FAM131A: variants seen among roughly 807,000 people sequenced by gnomAD.
The protein encoded by FAM131A is protein FAM131A.
Under a neutral mutation model 39.2 loss-of-function variants are expected in FAM131A, and 24 were observed. That is an observed-to-expected ratio of 0.61 (90% confidence interval 0.44 to 0.86). The LOEUF is 0.86. FAM131A is among the 40% of genes least tolerant of loss of function. The pLI, the probability that FAM131A is intolerant of heterozygous loss-of-function variation, is 0.00. For missense variants in FAM131A, 373 were observed against 481.2 expected (o/e 0.78, Z 2.10); for synonymous variants, 202 against 206.8 (o/e 0.98, Z 0.20).
intron 1 of FAM131A, among the ~76,000 whole-genome samples, chr3:184,338,121 C>A (rs1258206132): frequency 6.6e-6 from 1 of 152,120 alleles, no homozygotes; most frequent in East Asian, 1.9e-4. Context: ...CAGAATTTAT[C>A]ATTGTTTGGT....
rs1727572096 is a variant in FAM131A at position 184,344,983 on chromosome 3, C to G, written c.*13C>G. 6.6e-7 allele frequency: 1 copy of G among 1,514,858 alleles called. No homozygotes were observed. Among genetic ancestry groups the G allele is most frequent in the Non-Finnish European group, 8.8e-7 (1 of 1,133,444 alleles). The allele number at this position is 1,514,858 out of a possible 1,614,324, so 93.8% of individuals were successfully genotyped here. A position where few individuals can be genotyped will look rare whatever the true frequency, so the allele number is the denominator to read the frequency against. Reference sequence around the variant, plus strand: ...AGAGGAACAGTGACCCACATCATGCCTGGCAGTGGCATGCATCCCCCGGCT... The same window carrying G: ...AGAGGAACAGTGACCCACATCATGCGTGGCAGTGGCATGCATCCCCCGGCT... On this transcript the variant is annotated 3_prime_UTR_variant, in exon 6 of 6. Transcript: ENST00000383847.
rs762655437 is a variant in FAM131A, at chr3:184,344,691, G to A, written c.822G>A (p.Gln274=). The A allele has an allele frequency of 2.5e-5, 41 of 1,612,290 alleles. No homozygotes were observed. Among genetic ancestry groups the A allele is most frequent in the Non-Finnish European group, 3.3e-5 (39 of 1,179,884 alleles). ...LLGSPARLAS[Q]LLGDELLLAK... ...GCTCCCCGGCCCGGCTGGCCTCCCAGCTGCTGGGCGATGAGCTGCTTCTCG... is the reference window on the plus strand; with the variant it reads ...GCTCCCCGGCCCGGCTGGCCTCCCAACTGCTGGGCGATGAGCTGCTTCTCG... The change falls in exon 6 of 6, where the codon CAG becomes CAA. Residue 274 remains glutamine (Q), a synonymous_variant. Transcript: ENST00000383847.
rs1378735773 is a variant in FAM131A at position 184,342,545 on chromosome 3, A to G, written c.509-199A>G. On this transcript the variant is annotated intron_variant, in intron 4 of 5. Coordinates refer to ENST00000383847, the MANE Select transcript of FAM131A (RefSeq NM_144635.5). This position sits in a 1 kb window ranked among gnomAD's most constrained non-coding sequence, Gnocchi z 4.6. ...CTGGTCTTGAACTCCTGACCTAGTG[A>G]TCCACCTGCCTCGGCCTCCCAAAGT... Among the ~76,000 whole-genome samples, 1 of 152,062 alleles carries G rather than the reference A, an allele frequency of 6.6e-6. No individual in the cohort carries two copies. The highest frequency in any genetic ancestry group is 1.5e-5 in the Non-Finnish European group (1 of 68,014).
At chr3:184,344,111 G>A (rs1490219104) in intron 5 of FAM131A, among the ~76,000 whole-genome samples, 3 of 152,020 alleles carry the variant, frequency 2.0e-5, no homozygotes, top group East Asian at 1.9e-4. Flanking sequence ...TCAGCCTCCC[G>A]AGTAGCTGGG....
In FAM131A at chr3:184,345,092, G is replaced by T. The variant is rs1184606116; in HGVS notation, c.*122G>T. 1 of 929,174 alleles carries T rather than the reference G, an allele frequency of 1.1e-6. No homozygotes were observed. Among genetic ancestry groups the T allele is most frequent in the Non-Finnish European group, 1.6e-6 (1 of 640,772 alleles). The allele number at this position is 929,174 out of a possible 1,614,324, so 57.6% of individuals were successfully genotyped here. A position where few individuals can be genotyped will look rare whatever the true frequency, so the allele number is the denominator to read the frequency against. ...CACAGCCTAGAGGGCTCCTGGGAGC[G>T]CTCGCTTCTCCGTTGTGTGTTTTGC... On this transcript the variant is annotated 3_prime_UTR_variant, in exon 6 of 6. Transcript: ENST00000383847.
Position 184,345,366 on chromosome 3 carries a change from T to A in FAM131A, c.*396T>A, listed in dbSNP as rs1727596268. 1.7e-6 allele frequency: 1 copy of A among 605,260 alleles called. No individual in the cohort carries two copies. The highest frequency in any genetic ancestry group is 2.9e-6 in the Non-Finnish European group (1 of 342,174). 37.5% of individuals were successfully genotyped at this position (605,260 alleles called of 1,614,324 possible). A position where few individuals can be genotyped will look rare whatever the true frequency, so the allele number is the denominator to read the frequency against. On this transcript the variant is annotated 3_prime_UTR_variant, in exon 6 of 6. Transcript: ENST00000383847. ...GCCCAGCAACCCCCCACCCTCCCCA[T>A]GCCTCTCTCTTCTCTGCTTTTCTTC...
At chr3:184,341,063 C>G (rs1002303673) in intron 2 of FAM131A, 1 of 154,576 alleles carries the variant, frequency 6.5e-6, no homozygotes, top group African/African-American at 2.4e-5. Flanking sequence ...GCATTGAGGG[C>G]TTGAGAAAGG....
chr3:184,338,453 T>G lies in FAM131A; in HGVS notation c.155T>G (p.Leu52Trp). ...CCTCGGGGTCTCTCTCTATCCTCTT[T>G]GGGATCTGCTCGAACCCTCCGAGGC... is the stretch of plus-strand genomic sequence containing the variant. ...ELPRGLSLSS[L>W]GSARTLRGWS... Residue 52 changes from leucine (L) to tryptophan (W), a missense_variant, in exon 2 of 6, where the codon TTG (leucine) becomes TGG (tryptophan). By Grantham distance (61) the Leu-to-Trp change is moderately conservative (BLOSUM62 -2). This residue lies in a region of FAM131A where 221 missense variants were observed against 347.7 expected (regional missense o/e 0.64). Coordinates refer to ENST00000383847, the MANE Select transcript of FAM131A (RefSeq NM_144635.5). The G allele has an allele frequency of 6.5e-7, 1 of 1,528,268 alleles. No homozygotes were observed. Among genetic ancestry groups the G allele is most frequent in the Non-Finnish European group, 8.7e-7 (1 of 1,143,110 alleles). 94.7% of individuals were successfully genotyped at this position (1,528,268 alleles called of 1,614,324 possible). A position where few individuals can be genotyped will look rare whatever the true frequency, so the allele number is the denominator to read the frequency against.
chr3:184,344,660 T>C lies in FAM131A; in HGVS notation c.791T>C (p.Leu264Ser), dbSNP rs1384114692. The C allele has an allele frequency of 1.2e-6, 2 of 1,612,860 alleles. No homozygotes were observed. The highest frequency in any genetic ancestry group is 2.2e-5 in the East Asian group (1 of 44,858). Reference protein sequence around the residue: ...CSSLCSLEDGLLGSPARLASQ... With the variant: ...CSSLCSLEDGSLGSPARLASQ... ...AGTCTGTGCAGCCTGGAGGATGGGT[T>C]GTTGGGCTCCCCGGCCCGGCTGGCC... The change falls in exon 6 of 6, where the codon TTG becomes TCG. Residue 264 changes from leucine to serine, a missense_variant. This residue lies in a region of FAM131A where 152 missense variants were observed against 133.5 expected (regional missense o/e 1.14). Coordinates refer to ENST00000383847, the MANE Select transcript of FAM131A (RefSeq NM_144635.5).
In FAM131A at chr3:184,341,280, G is replaced by GCAA. The variant is rs1244867746; in HGVS notation, c.232-444_232-443insCAA. 3.7e-5 allele frequency: 8 copies of GCAA among 217,878 alleles called. No individual in the cohort carries two copies. The East Asian group carries it at 1.1e-3, about 29-fold the overall frequency. 13.5% of individuals were successfully genotyped at this position (217,878 alleles called of 1,614,324 possible). On this transcript the variant is annotated intron_variant, in intron 2 of 5. Coordinates refer to ENST00000383847, the MANE Select transcript of FAM131A (RefSeq NM_144635.5). ...GGGCCAGACGTGGGGAGAAGGTGTG[G>GCAA]GGGTTTGGTTTCCATCTTGCCGAGT...
At chr3:184,341,588 C>A (rs1727380167) in intron 2 of FAM131A, 136 bp from the exon 3 acceptor site, 1 of 675,712 alleles carries the variant, frequency 1.5e-6, no homozygotes, top group Admixed American at 2.3e-5. Context: ...CTTACATTTC[C>A]CTGTAGCCAC....
intron 1 of FAM131A, among the ~76,000 whole-genome samples, chr3:184,338,087 A>G (rs1025974148): frequency 4.6e-5 from 7 of 152,050 alleles, no homozygotes; most frequent in Non-Finnish European, 1.0e-4. Context: ...AGGAATGGGT[A>G]GGCTGGGAAA....
intron 2 of FAM131A, chr3:184,340,944 T>C (rs1727343588): frequency 6.6e-6 from 1 of 152,318 alleles, no homozygotes; most frequent in South Asian, 2.1e-4. Context: ...GCCATCAGAA[T>C]AGTCCAGAAG....
intron 2 of FAM131A, chr3:184,339,919 ATGTGT>A (rs1466473985): frequency 2.6e-5 from 4 of 152,376 alleles, no homozygotes; most frequent in Non-Finnish European, 1.5e-5. Context: ...GATTTTAGAG[ATGTGT>A]TGTGACCAGC....
At chr3:184,341,482 A>G in intron 2 of FAM131A, 1 of 569,264 alleles carries the variant, frequency 1.8e-6, no homozygotes, top group South Asian at 2.1e-5. Context: ...GTGCTGGGAA[A>G]GTGGAGGATT....
chr3:184,342,775 C>G lies in FAM131A; in HGVS notation c.540C>G (p.Ala180=). 1 of 1,613,784 alleles carries G rather than the reference C, an allele frequency of 6.2e-7. No individual in the cohort carries two copies. Among genetic ancestry groups the G allele is most frequent in the Non-Finnish European group, 8.5e-7 (1 of 1,179,792 alleles). ...CTGAGCAGTTTGCCATCGCGGAAGCCAAGCTCCGAGCATGGTCTTCGGTGG... is the reference window on the plus strand; with the variant it reads ...CTGAGCAGTTTGCCATCGCGGAAGCGAAGCTCCGAGCATGGTCTTCGGTGG... ...GVAEQFAIAE[A]KLRAWSSVDG... Residue 180 remains alanine, a synonymous_variant, in exon 5 of 6, where the codon GCC becomes GCG. Transcript: ENST00000383847. This position sits in a 1 kb window ranked among gnomAD's most constrained non-coding sequence, Gnocchi z 4.6.
Position 184,337,700 on chromosome 3 carries a change from T to A in FAM131A, c.70T>A (p.Cys24Ser). Reference sequence around the variant, plus strand: ...TGAAGGGCCTGGAGGACGATGGACTTGTCAGACAAGTCGCAGAGGTGAGAC... The same window carrying A: ...TGAAGGGCCTGGAGGACGATGGACTAGTCAGACAAGTCGCAGAGGTGAGAC... ...QREGPGGRWT[C>S]QTSRRVSSDP... Residue 24 changes from cysteine to serine, a missense_variant, in exon 1 of 6, where the codon TGT (cysteine) becomes AGT (serine). Physicochemically the swap from Cys to Ser is moderately radical, Grantham distance 112. This residue lies in a region of FAM131A where 221 missense variants were observed against 347.7 expected (regional missense o/e 0.64). Coordinates refer to ENST00000383847, the MANE Select transcript of FAM131A (RefSeq NM_144635.5). 6.5e-7 allele frequency: 1 copy of A among 1,537,256 alleles called. No homozygotes were observed. The highest frequency in any genetic ancestry group is 8.7e-7 in the Non-Finnish European group (1 of 1,146,916).
At position 184,338,385 on chromosome 3, in the gene FAM131A, A is replaced by G; in HGVS notation, c.89-2A>G. 1 of 1,435,890 alleles carries G rather than the reference A, an allele frequency of 7.0e-7. No homozygotes were observed. Among genetic ancestry groups the G allele is most frequent in the Non-Finnish European group, 9.1e-7 (1 of 1,097,648 alleles). 88.9% of individuals were successfully genotyped at this position (1,435,890 alleles called of 1,614,324 possible). A position where few individuals can be genotyped will look rare whatever the true frequency, so the allele number is the denominator to read the frequency against. On this transcript the variant is annotated splice_acceptor_variant, in intron 1 of 5. Coordinates refer to ENST00000383847, the MANE Select transcript of FAM131A (RefSeq NM_144635.5). LOFTEE classifies it high-confidence loss of function. ...CTCAACAGCCTTTCCCCTTCCTCTC[A>G]GTGTCCTCGGACCCCGCTTGGGCTG... is the stretch of plus-strand genomic sequence containing the variant.
Position 184,342,189 on chromosome 3 carries a change from C to T in FAM131A, c.449C>T (p.Ser150Leu). Residue 150 changes from serine (S) to leucine (L), a missense_variant, in exon 4 of 6, where the codon TCA becomes TTA. Physicochemically the swap from Ser to Leu is moderately radical, Grantham distance 145. This residue lies in a region of FAM131A where 221 missense variants were observed against 347.7 expected (regional missense o/e 0.64). Coordinates refer to ENST00000383847, the MANE Select transcript of FAM131A (RefSeq NM_144635.5). The surrounding 1 kb of genome is among the most constrained non-coding windows in gnomAD (Gnocchi z 4.6). Reference sequence around the variant, plus strand: ...AGTGACTCACCTGCTGCCCTGGAATCAGCCTTTTCCTCCTATTCAGACCTC... The same window carrying T: ...AGTGACTCACCTGCTGCCCTGGAATTAGCCTTTTCCTCCTATTCAGACCTC... ...KPSDSPAALE[S>L]AFSSYSDLSE... 1.2e-6 allele frequency: 2 copies of T among 1,614,242 alleles called. No homozygotes were observed. Among genetic ancestry groups the T allele is most frequent in the Non-Finnish European group, 1.7e-6 (2 of 1,180,034 alleles).
Sources: gnomAD v4.1 joint callset for allele counts (sites outside exome capture counted in the v4.1 genomes callset) on GRCh38, gnomAD v4.1.1 for gene constraint, gnomAD v4.1.1 regional missense constraint, Gnocchi (gnomAD v3.1) non-coding constraint, MANE v1.5 for transcripts, NCBI Gene and HGNC (gene_info 2026-07-23, HGNC 2026-07-21) for gene names.